The following NSD2 variants were observed in gnomAD, a reference collection of about 807,000 sequenced individuals.
NSD2 encodes histone-lysine N-methyltransferase NSD2.
NSD2 carries 12 observed loss-of-function variants against 139.0 expected under a neutral mutation model. The observed-to-expected ratio is 0.09, with a 90% confidence interval of 0.06 to 0.14. The LOEUF (loss-of-function observed/expected upper bound fraction) is 0.14, where lower values mean the gene tolerates loss of function less well. Among genes scored for constraint, NSD2 ranks in the 10% least tolerant of loss-of-function variants. The pLI is 1.00. For missense variants in NSD2, 1,155 were observed against 1,745.0 expected, an observed-to-expected ratio of 0.66 and a Z score of 6.02; for synonymous variants, 669 against 648.7, an observed-to-expected ratio of 1.03 and a Z score of -0.48.
Position 1,955,856 on chromosome 4 carries a change from G to A in NSD2, c.2675+7G>A. 1 of 1,613,184 alleles carries A rather than the reference G, an allele frequency of 6.2e-7. No homozygotes were observed. The highest frequency in any genetic ancestry group is 8.5e-7 in the Non-Finnish European group (1 of 1,179,140). On this transcript the variant is annotated splice_region_variant and intron_variant, in intron 14 of 21. Coordinates refer to ENST00000508803, the MANE Select transcript of NSD2 (RefSeq NM_001042424.3). This position sits in a 1 kb window ranked among gnomAD's most constrained non-coding sequence, Gnocchi z 4.7. The stretch of plus-strand genomic sequence containing the variant: ...TGAAACTTGGGAACTACAGGTGTGA[G>A]ACATAGAATCGTATGCTTTTATGTC...
At chr4:1,890,662 C>A (rs1228348514) in intron 1 of NSD2, among the ~76,000 whole-genome samples, 2 of 151,820 alleles carry the variant, frequency 1.3e-5, no homozygotes, top group Admixed American at 6.6e-5. Flanking sequence ...AGTACAATGG[C>A]ATGATCTCGG....
rs1272153111 is a variant in NSD2 at position 1,979,419 on chromosome 4, C to T, written c.*510C>T. On this transcript the variant is annotated 3_prime_UTR_variant, in exon 22 of 22. Transcript: ENST00000508803. ...CTGCCATTGTGATCATTACTCTGCT[C>T]TTTGGAAATGGCTGTATCATTTTTT... 2 of 234,014 alleles carry T rather than the reference C, an allele frequency of 8.5e-6. No individual in the cohort carries two copies. The highest frequency in any genetic ancestry group is 1.7e-5 in the Non-Finnish European group (2 of 118,684). The allele number at this position is 234,014 out of a possible 1,614,324, so 14.5% of individuals were successfully genotyped here.
In NSD2 at chr4:1,943,185, A is replaced by G. The variant is rs186903756; in HGVS notation, c.1881+3407A>G. 529 of 1,041,554 alleles carry G rather than the reference A, an allele frequency of 5.1e-4. 1 individual carries two copies. In the African/African-American group the frequency reaches 7.7e-3, roughly 15 times the overall value. The allele number at this position is 1,041,554 out of a possible 1,614,324, so 64.5% of individuals were successfully genotyped here. On this transcript the variant is annotated intron_variant, in intron 9 of 21. Transcript: ENST00000508803. ...TGTCCGCATTTTTGCATGGTAAGGA[A>G]AAGGCTTACTTGCCCTTCAGCTCAT...
In NSD2 at chr4:1,904,372, C is replaced by T; in HGVS notation, c.754C>T (p.Leu252Phe). 1 of 1,610,380 alleles carries T rather than the reference C, an allele frequency of 6.2e-7. No homozygotes were observed. Among genetic ancestry groups the T allele is most frequent in the Non-Finnish European group, 8.5e-7 (1 of 1,178,218 alleles). ...TCCACTCCTTCACAGCTATACCAAA[C>T]TTAAAGGTATTGTGTTCTTTGGGTT... ...ADPLLHSYTK[L>F]KGQKKSARQY... Residue 252 changes from leucine to phenylalanine, a missense_variant, in exon 3 of 22, where the codon CTT becomes TTT. Leu to Phe is a conservative substitution (Grantham distance 22). Around this residue, in one of 8 missense-constraint regions of NSD2, gnomAD observed 34 missense variants for 75.2 expected, o/e 0.45. Transcript: ENST00000508803.
intron 18 of NSD2, among the ~76,000 whole-genome samples, chr4:1,970,710 G>A (rs1726369414): frequency 1.3e-5 from 2 of 152,224 alleles, no homozygotes; most frequent in Admixed American, 6.5e-5. Context: ...TGAGAGCTGG[G>A]CTCTAGGGGC....
chr4:1,945,614 A>G, intron 9 of NSD2: 1 of 1,064,960 alleles, frequency 9.4e-7, no homozygotes, highest in Non-Finnish European at 1.1e-6. Flanking sequence ...CAGGGCTGTG[A>G]GCTGGGCTTC....
At chr4:1,907,321 C>A (rs1162509603) in intron 3 of NSD2, among the ~76,000 whole-genome samples, 2 of 152,124 alleles carry the variant, frequency 1.3e-5, no homozygotes, top group African/African-American at 4.8e-5. Context: ...TTCCTGAAAA[C>A]CTTCATGTTT....
intron 9 of NSD2, chr4:1,940,117 GTC>G: frequency 8.6e-7 from 1 of 1,158,244 alleles, no homozygotes; most frequent in Non-Finnish European, 1.1e-6. Context: ...ATGGAAGTAA[GTC>G]TGCGTTGGTT....
At position 1,979,161 on chromosome 4, in the gene NSD2, G is replaced by A. The variant is rs560100846; in HGVS notation, c.*252G>A. 9.9e-6 allele frequency: 4 copies of A among 405,062 alleles called. No homozygotes were observed. Among genetic ancestry groups the A allele is most frequent in the Non-Finnish European group, 1.7e-5 (4 of 231,898 alleles). 25.1% of individuals were successfully genotyped at this position (405,062 alleles called of 1,614,324 possible). A position where few individuals can be genotyped will look rare whatever the true frequency, so the allele number is the denominator to read the frequency against. ...AACAGCCTCACTCCTCAGCGTTACC[G>A]CCACACTTGAATTTCTCCGAATGTC... On this transcript the variant is annotated 3_prime_UTR_variant, in exon 22 of 22. Transcript: ENST00000508803.
chr4:1,940,881 G>A (rs1723022930), intron 9 of NSD2: 2 of 1,057,760 alleles, frequency 1.9e-6, no homozygotes, highest in Non-Finnish European at 2.3e-6. Context: ...AGAGCTCTGC[G>A]GCTTGCCACT....
chr4:1,898,901 ACCCAGTGCTGTTCCCTTTCTTT>A (rs1161764526), intron 1 of NSD2, among the ~76,000 whole-genome samples: 1 of 151,970 alleles, frequency 6.6e-6, no homozygotes, highest in Non-Finnish European at 1.5e-5. Flanking sequence ...AATGGAGTTC[ACCCAGTGCTGTTCCCTTTCTTT>A]CAACAGTTGG....
chr4:1,889,144 C>T (rs371238694), intron 1 of NSD2, among the ~76,000 whole-genome samples: 5 of 150,820 alleles, frequency 3.3e-5, no homozygotes, highest in East Asian at 2.0e-4. Context: ...GTGATCCACC[C>T]GCTTTGGCCT....
At chr4:1,938,357 T>A (rs914149193) in intron 7 of NSD2, 94 bp from the exon 8 acceptor site, 14 of 1,160,654 alleles carry the variant, frequency 1.2e-5, no homozygotes, top group Non-Finnish European at 1.6e-5. Flanking sequence ...TTCCTTTCTT[T>A]TCCTTTTGTT....
At chr4:1,921,689 G>A (rs1720146326) in intron 5 of NSD2, among the ~76,000 whole-genome samples, 1 of 149,844 alleles carries the variant, frequency 6.7e-6, no homozygotes, top group Non-Finnish European at 1.5e-5. Context: ...GGTTGAGAAA[G>A]GAGAATCGGT....
chr4:1,939,608 C>A, intron 8 of NSD2, 46 bp from the exon 9 acceptor site: 1 of 1,584,980 alleles, frequency 6.3e-7, no homozygotes, highest in South Asian at 1.1e-5. Context: ...GTAAAAAGAT[C>A]AAGGGTTTAT....
intron 1 of NSD2, among the ~76,000 whole-genome samples, chr4:1,895,653 T>C (rs1215162550): frequency 6.6e-6 from 1 of 152,214 alleles, no homozygotes; most frequent in Admixed American, 6.5e-5. Context: ...CTCTCACTGC[T>C]GGTGGGAGGC....
intron 7 of NSD2, 33 bp downstream of exon 7, chr4:1,935,295 G>T: frequency 6.5e-7 from 1 of 1,545,322 alleles, no homozygotes; most frequent in Admixed American, 1.7e-5. Context: ...TGACCTGTCA[G>T]AGTGTATGCT....
At chr4:1,912,537 C>G (rs1023974457) in intron 3 of NSD2, among the ~76,000 whole-genome samples, 1 of 151,720 alleles carries the variant, frequency 6.6e-6, no homozygotes, top group Non-Finnish European at 1.5e-5. Context: ...TAATTTTTTT[C>G]AAGTATTCAT....
chr4:1,878,249 ATATTTTTTTTTTTTTTTTT>A (rs1714434326), intron 1 of NSD2, among the ~76,000 whole-genome samples: 6 of 34,920 alleles, frequency 1.7e-4, no homozygotes, highest in Non-Finnish European at 2.8e-4. Context: ...ATATATATAT[ATATTTTTTTTTTTTTTTTT>A]TTTTTTTTTT....
Sources: gnomAD v4.1 joint callset for allele counts (sites outside exome capture counted in the v4.1 genomes callset) on GRCh38, gnomAD v4.1.1 for gene constraint, gnomAD v4.1.1 regional missense constraint, Gnocchi (gnomAD v3.1) non-coding constraint, MANE v1.5 for transcripts, NCBI Gene and HGNC (gene_info 2026-07-23, HGNC 2026-07-21) for gene names.